GSE1: variants seen among roughly 807,000 people sequenced by gnomAD.
GSE1 encodes the protein Gse1 coiled-coil protein.
GSE1 carries 32 observed loss-of-function variants against 112.6 expected under a neutral mutation model. The observed-to-expected ratio is 0.28, with a 90% CI of 0.21 to 0.38. The LOEUF (loss-of-function observed/expected upper bound fraction) is 0.38, where lower values mean the gene tolerates loss of function less well. Ranked by LOEUF, GSE1 falls within the 10% of genes least tolerant of loss-of-function variation. GSE1 has a pLI of 1.00. For synonymous variants in GSE1, 1,115 were observed against 735.6 expected (o/e 1.52, Z -8.35); for missense variants, 2,348 against 1,699.2 (o/e 1.38, Z -6.71).
intron 2 of GSE1, among the ~76,000 whole-genome samples, chr16:85,523,329 G>A (rs1328233406): frequency 1.3e-5 from 2 of 152,168 alleles, no homozygotes; most frequent in Admixed American, 1.3e-4. Flanking sequence ...CTGTGTGTGC[G>A]TGCGTGCATG....
chr16:85,182,819 C>T (rs1043673908), intron 1 of GSE1, among the ~76,000 whole-genome samples: 2 of 152,062 alleles, frequency 1.3e-5, no homozygotes, highest in Non-Finnish European at 2.9e-5. Flanking sequence ...GCCCCTCCTG[C>T]CCCAGCATCC....
rs575072827 is a variant in GSE1, at chr16:85,514,431, C to G, written c.2465-119483C>G. On this transcript the variant is annotated intron_variant, in intron 2 of 2. Coordinates refer to the GSE1 transcript ENST00000637419. ...GATGCCCGCATGCTCTCGAGTCCCC[C>G]CCCCCACCCCAGGGCAGCTCCTGGG... Among the ~76,000 whole-genome samples, 7 of 97,830 alleles carry G rather than the reference C, an allele frequency of 7.2e-5. No homozygotes were observed. In the East Asian group the frequency reaches 1.8e-3, roughly 25 times the overall value. The allele number at this position is 97,830 out of a possible 152,430, so 64.2% of individuals were successfully genotyped here.
At chr16:85,632,423 A>C (rs1164813580) in intron 1 of GSE1, among the ~76,000 whole-genome samples, 2 of 151,848 alleles carry the variant, frequency 1.3e-5, no homozygotes, top group Non-Finnish European at 1.5e-5. Flanking sequence ...TTTTCTCCCT[A>C]CGTCCCCTCT....
intron 1 of GSE1, among the ~76,000 whole-genome samples, chr16:85,220,929 C>A (rs908545349): frequency 6.7e-5 from 10 of 148,526 alleles, no homozygotes; most frequent in Non-Finnish European, 1.2e-4. Context: ...CCTTGCCCCC[C>A]ACCCCTCCTG....
intron 2 of GSE1, among the ~76,000 whole-genome samples, chr16:85,448,589 A>G (rs1449884193): frequency 6.6e-6 from 1 of 152,236 alleles, no homozygotes; most frequent in African/African-American, 2.4e-5. Context: ...TAAAGTGAGC[A>G]GAGCCGACCC....
chr16:85,349,168 C>G (rs567641263), intron 1 of GSE1, among the ~76,000 whole-genome samples: 14 of 152,202 alleles, frequency 9.2e-5, no homozygotes, highest in Admixed American at 8.5e-4. Context: ...TTTAATAACC[C>G]TTTAGTTGTC....
chr16:85,225,123 T>TA (rs891412921), intron 1 of GSE1, among the ~76,000 whole-genome samples: 148 of 144,360 alleles, frequency 1.0e-3, no homozygotes, highest in East Asian at 1.2e-3. Flanking sequence ...GATTCCCTCT[T>TA]AAAAAAAAAA....
upstream of GSE1, among the ~76,000 whole-genome samples, chr16:85,611,843 A>G (rs2048004136): frequency 6.6e-6 from 1 of 150,862 alleles, no homozygotes; most frequent in Admixed American, 6.6e-5. Flanking sequence ...CTCCCGTCGC[A>G]ATCCGGGCTG....
intron 1 of GSE1, among the ~76,000 whole-genome samples, chr16:85,239,430 G>A (rs1321734914): frequency 6.6e-6 from 1 of 152,222 alleles, no homozygotes; most frequent in Non-Finnish European, 1.5e-5. Context: ...AGGCGCTGCA[G>A]GGGTGAGGAG....
intron 1 of GSE1, among the ~76,000 whole-genome samples, chr16:85,198,329 C>G (rs949072076): frequency 8.5e-5 from 13 of 152,212 alleles, no homozygotes; most frequent in Non-Finnish European, 1.6e-4. Context: ...GGGATGAGAG[C>G]AGCTGGCAAA....
At chr16:85,429,199 C>T (rs372817922) in intron 2 of GSE1, among the ~76,000 whole-genome samples, 4 of 152,306 alleles carry the variant, frequency 2.6e-5, no homozygotes, top group East Asian at 1.9e-4. Flanking sequence ...CTTCTCAGGA[C>T]ACACAGCCCC....
chr16:85,272,762 G>A, intron 1 of GSE1, among the ~76,000 whole-genome samples: 1 of 147,462 alleles, frequency 6.8e-6, no homozygotes, highest in South Asian at 2.1e-4. Context: ...TTGCTTGCTT[G>A]TTTTCTTCTC....
intron 2 of GSE1, among the ~76,000 whole-genome samples, chr16:85,410,249 A>G (rs1269562928): frequency 6.5e-4 from 13 of 19,898 alleles, no homozygotes; most frequent in Non-Finnish European, 8.1e-4. Context: ...GATAATCCTC[A>G]CTGTTACTCT....
intron 1 of GSE1, among the ~76,000 whole-genome samples, chr16:85,254,202 A>G (rs1906823464): frequency 6.6e-6 from 1 of 152,170 alleles, no homozygotes; most frequent in Admixed American, 6.5e-5. Flanking sequence ...AGAGAGGTCA[A>G]GTGACTAGCC....
intron 2 of GSE1, among the ~76,000 whole-genome samples, chr16:85,469,922 G>A (rs375516640): frequency 2.0e-5 from 3 of 152,240 alleles, no homozygotes; most frequent in South Asian, 4.1e-4. Context: ...CCCCGACCAG[G>A]CACGGGGTAC....
chr16:85,491,534 A>G (rs2051009945), intron 2 of GSE1, among the ~76,000 whole-genome samples: 1 of 152,184 alleles, frequency 6.6e-6, no homozygotes, highest in South Asian at 2.1e-4. Flanking sequence ...GCCCTCTGGC[A>G]GGGGTGCTGG....
At chr16:85,188,034 G>A (rs759414268) in intron 1 of GSE1, among the ~76,000 whole-genome samples, 45 of 152,262 alleles carry the variant, frequency 3.0e-4, no homozygotes, top group Non-Finnish European at 5.6e-4. Flanking sequence ...GGTACCACCT[G>A]CAGGGTGCTG....
chr16:85,591,783 G>T (rs2047012434), intron 1 of GSE1, among the ~76,000 whole-genome samples: 2 of 152,236 alleles, frequency 1.3e-5, no homozygotes, highest in Admixed American at 1.3e-4. Flanking sequence ...GCCAGGGACG[G>T]TTCTGGGTGC....
At chr16:85,517,535 G>A (rs941330220) in intron 2 of GSE1, among the ~76,000 whole-genome samples, 12 of 152,296 alleles carry the variant, frequency 7.9e-5, no homozygotes, top group African/African-American at 2.9e-4. Flanking sequence ...GTGCTGAAGC[G>A]GTTTGCCTGG....
Sources: allele counts gnomAD v4.1 joint callset (sites outside exome capture counted in the v4.1 genomes callset), GRCh38; gene constraint gnomAD v4.1.1; transcripts MANE v1.5; gene names NCBI Gene and HGNC (gene_info 2026-07-23, HGNC 2026-07-21).